The following OR11G2 variants were observed in gnomAD, a reference collection of about 807,000 sequenced individuals.
OR11G2 encodes olfactory receptor 11G2.
A neutral mutation model predicts 0.9 loss-of-function variants in OR11G2; 2 were observed. That is an observed-to-expected ratio of 2.35 (90% CI 0.96 to 7.38). OR11G2 has a LOEUF of 7.38. Ranked by LOEUF, OR11G2 falls within the 30% of genes most tolerant of loss-of-function variation. The pLI, the probability that OR11G2 is intolerant of heterozygous loss-of-function variation, is 0.05. For synonymous variants in OR11G2, 153 were observed against 142.0 expected (o/e 1.08, Z -0.55); for missense variants, 395 against 371.3 (o/e 1.06, Z -0.52).
At position 20,198,174 on chromosome 14, in the gene OR11G2, G is replaced by T. The variant is rs1879816525; in HGVS notation, c.737G>T (p.Gly246Val). 1 of 1,614,082 alleles carries T rather than the reference G, an allele frequency of 6.2e-7. No homozygotes were observed. The highest frequency in any genetic ancestry group is 8.5e-7 in the Non-Finnish European group (1 of 1,180,018). ...AGAAGAAAGGCTTTCTCCACCTGTG[G>T]GTCTCACCTGGCTGTGGTTTCACTG... ...AGRRKAFSTC[G>V]SHLAVVSLFY... Residue 246 changes from glycine to valine, a missense_variant, in exon 2 of 2, where the codon GGG (glycine) becomes GTG (valine). Gly to Val is a moderately radical substitution (Grantham distance 109). Coordinates refer to ENST00000641879, the MANE Select transcript of OR11G2 (RefSeq NM_001386033.1).
At chr14:20,194,305 G>A (rs1353145779) in intron 1 of OR11G2, among the ~76,000 whole-genome samples, 1 of 152,148 alleles carries the variant, frequency 6.6e-6, no homozygotes, top group Non-Finnish European at 1.5e-5. Flanking sequence ...TAGAACAGCA[G>A]CATCACATGG....
At chr14:20,194,778 T>C (rs1029775342) in intron 1 of OR11G2, among the ~76,000 whole-genome samples, 3 of 152,252 alleles carry the variant, frequency 2.0e-5, no homozygotes, top group Non-Finnish European at 4.4e-5. Context: ...GTTTTATTCA[T>C]TAGCCATGAA....
chr14:20,199,564 T>C lies in OR11G2; in HGVS notation c.*1191T>C, dbSNP rs1307410388. ...GAAGGCTTGCCTATGTCAGTTGCTC[T>C]GAGTGCCTTCAAATGGTTGTTTTAT... On this transcript the variant is annotated 3_prime_UTR_variant, in exon 2 of 2. Transcript: ENST00000641879. The C allele has an allele frequency of 6.6e-6, 1 of 152,270 alleles. No individual in the cohort carries two copies. The highest frequency in any genetic ancestry group is 2.4e-5 in the African/African-American group (1 of 41,478). The allele number at this position is 152,270 out of a possible 1,614,324, so 9.4% of individuals were successfully genotyped here.
intron 1 of OR11G2, among the ~76,000 whole-genome samples, chr14:20,192,211 TGA>T (rs1879667545): frequency 6.6e-6 from 1 of 152,190 alleles, no homozygotes; most frequent in Non-Finnish European, 1.5e-5. Context: ...CATTTTCATC[TGA>T]GAGACAAATG....
Position 20,200,419 on chromosome 14 carries a change from T to A in OR11G2, c.*2046T>A, listed in dbSNP as rs1020584665. 6.6e-6 allele frequency: 1 copy of A among 152,218 alleles called. No individual in the cohort carries two copies. Among genetic ancestry groups the A allele is most frequent in the African/African-American group, 2.4e-5 (1 of 41,446 alleles). 9.4% of individuals were successfully genotyped at this position (152,218 alleles called of 1,614,324 possible). ...TCTTAAACATGGAAAGGGCACTAAC[T>A]AATTCATAAAAAGGTAAAAGTAGAA... On this transcript the variant is annotated 3_prime_UTR_variant, in exon 2 of 2. Transcript: ENST00000641879.
At position 20,191,416 on chromosome 14, in the gene OR11G2, T is replaced by TGTGG; in HGVS notation, c.-252_-249dup. On this transcript the variant is annotated 5_prime_UTR_variant, in exon 1 of 2. It removes the in-frame stop codon of an upstream open reading frame in the 5' UTR. Transcript: ENST00000641879. ...ATAGCACAGGAGCTGGCTAACTTAA[T>TGTGG]GTGGGTCTAATCCAACATTTCTGAG... 6.6e-6 allele frequency: 1 copy of TGTGG among 152,344 alleles called. No homozygotes were observed. Among genetic ancestry groups the TGTGG allele is most frequent in the East Asian group, 1.9e-4 (1 of 5,182 alleles). 9.4% of individuals were successfully genotyped at this position (152,344 alleles called of 1,614,324 possible).
chr14:20,193,309 A>C (rs1879691708), intron 1 of OR11G2, among the ~76,000 whole-genome samples: 1 of 152,066 alleles, frequency 6.6e-6, no homozygotes, highest in African/African-American at 2.4e-5. Flanking sequence ...TTTAGTAGAG[A>C]CGAAGTTTTG....
intron 1 of OR11G2, among the ~76,000 whole-genome samples, chr14:20,192,865 A>C (rs1028905788): frequency 6.6e-6 from 1 of 152,176 alleles, no homozygotes; most frequent in African/African-American, 2.4e-5. Flanking sequence ...GCTGTTTGTA[A>C]AAACTGAAAG....
intron 1 of OR11G2, chr14:20,197,220 T>A (rs1347318806): frequency 1.5e-6 from 1 of 660,970 alleles, no homozygotes; most frequent in African/African-American, 1.8e-5. Context: ...GGTAAAAATG[T>A]GAACGCGAGC....
chr14:20,195,008 C>CTT (rs1879723075), intron 1 of OR11G2, among the ~76,000 whole-genome samples: 1 of 152,102 alleles, frequency 6.6e-6, no homozygotes, highest in South Asian at 2.1e-4. Flanking sequence ...AAACAAATGA[C>CTT]TTTAAAAGTG....
At chr14:20,194,967 A>C (rs1879722455) in intron 1 of OR11G2, among the ~76,000 whole-genome samples, 1 of 152,180 alleles carries the variant, frequency 6.6e-6, no homozygotes, top group African/African-American at 2.4e-5. Context: ...TAAAAGATAA[A>C]TATGCAGTCT....
At chr14:20,195,374 A>G (rs2139110768) in intron 1 of OR11G2, among the ~76,000 whole-genome samples, 2 of 152,222 alleles carry the variant, frequency 1.3e-5, no homozygotes, top group Middle Eastern at 6.8e-3. Flanking sequence ...AAACTTATCT[A>G]TACTAAACAT....
rs1879880783 is a variant in OR11G2, at chr14:20,200,484, G to A, written c.*2111G>A. ...TATCTCACTTTTTATCTATTAAATT[G>A]ACAAAGATCAAGAAGTTTGATTACA... On this transcript the variant is annotated 3_prime_UTR_variant, in exon 2 of 2. Transcript: ENST00000641879. 6.6e-6 allele frequency: 1 copy of A among 152,160 alleles called. No homozygotes were observed. 9.4% of individuals were successfully genotyped at this position (152,160 alleles called of 1,614,324 possible).
At chr14:20,196,111 C>G (rs779647628) in intron 1 of OR11G2, among the ~76,000 whole-genome samples, 1 of 152,138 alleles carries the variant, frequency 6.6e-6, no homozygotes, top group Non-Finnish European at 1.5e-5. Flanking sequence ...CATCTCCAGG[C>G]GGAAAGGGTT....
intron 1 of OR11G2, among the ~76,000 whole-genome samples, chr14:20,192,977 C>T (rs1468582967): frequency 1.3e-5 from 2 of 152,166 alleles, no homozygotes; most frequent in East Asian, 3.8e-4. Flanking sequence ...AGGCAAATTC[C>T]AATGGCTTTG....
In OR11G2 at chr14:20,197,373, T is replaced by G. The variant is rs770874947; in HGVS notation, c.-4-61T>G. On this transcript the variant is annotated intron_variant, in intron 1 of 1. Transcript: ENST00000641879. ...TCCCAAAATGATTTAAATATAAATC[T>G]GATTCCCCATCTATGTTTGCACCGT... The G allele has an allele frequency of 2.5e-6, 4 of 1,584,564 alleles. No individual in the cohort carries two copies. The South Asian group carries it at 4.6e-5, about 18-fold the overall frequency.
Position 20,200,166 on chromosome 14 carries a change from A to G in OR11G2, c.*1793A>G, listed in dbSNP as rs543306665. ...ATAATGACTTAATTCCAAAAAAAAAAAAAAAAAAAGTTCCTATCCACCACC... is the reference window on the plus strand; with the variant it reads ...ATAATGACTTAATTCCAAAAAAAAAGAAAAAAAAAGTTCCTATCCACCACC... On this transcript the variant is annotated 3_prime_UTR_variant, in exon 2 of 2. Coordinates refer to ENST00000641879, the MANE Select transcript of OR11G2 (RefSeq NM_001386033.1). 5 of 151,654 alleles carry G rather than the reference A, an allele frequency of 3.3e-5. No homozygotes were observed. Among genetic ancestry groups the G allele is most frequent in the African/African-American group, 1.2e-4 (5 of 41,408 alleles). The allele number at this position is 151,654 out of a possible 1,614,324, so 9.4% of individuals were successfully genotyped here.
At chr14:20,193,200 C>G (rs564497157) in intron 1 of OR11G2, among the ~76,000 whole-genome samples, 2 of 152,182 alleles carry the variant, frequency 1.3e-5, no homozygotes, top group African/African-American at 4.8e-5. Context: ...TCACTGCAAC[C>G]TCTGCCTCCT....
chr14:20,198,979 T>C lies in OR11G2; in HGVS notation c.*606T>C, dbSNP rs1879846173. 6.6e-6 allele frequency: 1 copy of C among 152,236 alleles called. No individual in the cohort carries two copies. The highest frequency in any genetic ancestry group is 1.5e-5 in the Non-Finnish European group (1 of 68,076). The allele number at this position is 152,236 out of a possible 1,614,324, so 9.4% of individuals were successfully genotyped here. A position where few individuals can be genotyped will look rare whatever the true frequency, so the allele number is the denominator to read the frequency against. On this transcript the variant is annotated 3_prime_UTR_variant, in exon 2 of 2. Transcript: ENST00000641879. The stretch of plus-strand genomic sequence containing the variant: ...GTAGATGGAGTAGAGGCAGATCACA[T>C]TGATTCTATTTAAGCACTACTTGTA...
Sources: allele counts gnomAD v4.1 joint callset (sites outside exome capture counted in the v4.1 genomes callset), GRCh38; gene constraint gnomAD v4.1.1; transcripts MANE v1.5; gene names NCBI Gene and HGNC (gene_info 2026-07-23, HGNC 2026-07-21).